The following UBE2K variants were observed in gnomAD, a reference collection of about 807,000 sequenced individuals.
UBE2K encodes ubiquitin conjugating enzyme E2 K.
Under a neutral mutation model 30.0 loss-of-function variants are expected in UBE2K, and 6 were observed. That is an observed-to-expected ratio of 0.20 (90% CI 0.11 to 0.39). UBE2K has a LOEUF of 0.39. Among genes scored for constraint, UBE2K ranks in the 10% least tolerant of loss-of-function variants. UBE2K has a pLI of 1.00. For missense variants in UBE2K, 61 were observed against 241.6 expected (o/e 0.25, Z 4.96); for synonymous variants, 86 against 83.7 (o/e 1.03, Z -0.15).
At chr4:39,767,873 A>G (rs1712452566) in intron 4 of UBE2K, among the ~76,000 whole-genome samples, 1 of 152,176 alleles carries the variant, frequency 6.6e-6, no homozygotes, top group African/African-American at 2.4e-5. Context: ...ATTAAAAATT[A>G]CATAAGATTT....
intron 1 of UBE2K, among the ~76,000 whole-genome samples, chr4:39,728,695 G>A (rs1719890366): frequency 6.6e-6 from 1 of 151,054 alleles, no homozygotes; most frequent in African/African-American, 2.4e-5. Flanking sequence ...GGGGAGTGCA[G>A]TTGTGCGATC....
chr4:39,773,609 ATAAG>A (rs1200258759), intron 4 of UBE2K, among the ~76,000 whole-genome samples: 1 of 152,040 alleles, frequency 6.6e-6, no homozygotes, highest in Non-Finnish European at 1.5e-5. Flanking sequence ...GGATAGAAAA[ATAAG>A]TGAGTGGATA....
At chr4:39,750,483 T>C (rs965951536) in intron 3 of UBE2K, among the ~76,000 whole-genome samples, 7 of 152,220 alleles carry the variant, frequency 4.6e-5, no homozygotes, top group Admixed American at 2.0e-4. Flanking sequence ...CATTGAGTGC[T>C]TCCCAAAGCT....
chr4:39,755,517 C>T, intron 3 of UBE2K, 140 bp from the exon 4 acceptor site: 1 of 603,316 alleles, frequency 1.7e-6, no homozygotes, highest in South Asian at 2.1e-5. Context: ...TCTTCTACAC[C>T]CCTTCTTTCA....
At chr4:39,772,698 T>C (rs895379251) in intron 4 of UBE2K, among the ~76,000 whole-genome samples, 1 of 151,952 alleles carries the variant, frequency 6.6e-6, no homozygotes, top group South Asian at 2.1e-4. Context: ...CAACTTTTTT[T>C]TTTTTTTGAG....
chr4:39,744,060 G>A (rs887744430), intron 2 of UBE2K, among the ~76,000 whole-genome samples: 4 of 152,034 alleles, frequency 2.6e-5, no homozygotes, highest in African/African-American at 4.8e-5. Context: ...GTGGGGTTTC[G>A]CCATGTTTGC....
At chr4:39,714,243 T>C in intron 1 of UBE2K, 1 of 179,382 alleles carries the variant, frequency 5.6e-6, no homozygotes, top group South Asian at 1.3e-4. Flanking sequence ...GTTTCAGCCT[T>C]GTTTTCAACA....
At chr4:39,712,532 C>T (rs1425472710) in intron 1 of UBE2K, among the ~76,000 whole-genome samples, 1 of 151,934 alleles carries the variant, frequency 6.6e-6, no homozygotes, top group Non-Finnish European at 1.5e-5. Flanking sequence ...TGTGTTCAAG[C>T]AATTCTCCTG....
intron 4 of UBE2K, chr4:39,770,208 G>A: frequency 6.2e-7 from 1 of 1,611,160 alleles, no homozygotes; most frequent in Non-Finnish European, 8.5e-7. Context: ...GTCGCAGTAG[G>A]AGCAGCGGTA....
At chr4:39,745,887 T>A in intron 3 of UBE2K, 77 bp downstream of exon 3, 1 of 1,109,016 alleles carries the variant, frequency 9.0e-7, no homozygotes, top group East Asian at 2.8e-5. Context: ...ATATATATTT[T>A]AGGGCTTATT....
chr4:39,731,369 G>A (rs1720065143), intron 1 of UBE2K, among the ~76,000 whole-genome samples: 1 of 151,944 alleles, frequency 6.6e-6, no homozygotes, highest in South Asian at 2.1e-4. Context: ...TGTCACTTCT[G>A]CTTTGGGACT....
chr4:39,771,018 C>G (rs1712774894), intron 4 of UBE2K: 10 of 1,611,812 alleles, frequency 6.2e-6, no homozygotes, highest in Non-Finnish European at 8.5e-6. Flanking sequence ...CAAGGCTAGC[C>G]TCACGGACCC....
intron 4 of UBE2K, among the ~76,000 whole-genome samples, chr4:39,759,799 CAG>C (rs1221517866): frequency 1.3e-5 from 2 of 152,142 alleles, no homozygotes; most frequent in Admixed American, 1.3e-4. Context: ...CATTACTCAT[CAG>C]GGAAATGCAA....
chr4:39,772,491 C>T (rs1578508602), intron 4 of UBE2K, among the ~76,000 whole-genome samples: 1 of 151,808 alleles, frequency 6.6e-6, no homozygotes, highest in East Asian at 1.9e-4. Context: ...ATGAGAATCA[C>T]CTGAGCCAAA....
chr4:39,726,448 T>C (rs1222810173), intron 1 of UBE2K, among the ~76,000 whole-genome samples: 1 of 152,096 alleles, frequency 6.6e-6, no homozygotes, highest in Non-Finnish European at 1.5e-5. Context: ...CTTGAACTCC[T>C]GGGCTTAAAC....
intron 4 of UBE2K, among the ~76,000 whole-genome samples, chr4:39,766,419 TTA>T (rs1156305850): frequency 6.6e-6 from 1 of 152,134 alleles, no homozygotes; most frequent in East Asian, 1.9e-4. Flanking sequence ...TATTGACACT[TTA>T]TATATCTTCT....
At chr4:39,747,691 A>G (rs1359099107) in intron 3 of UBE2K, among the ~76,000 whole-genome samples, 1 of 152,136 alleles carries the variant, frequency 6.6e-6, no homozygotes, top group African/African-American at 2.4e-5. Context: ...ATCTCAGCTC[A>G]CTGCAAGCTC....
At chr4:39,730,919 C>G (rs1720039897) in intron 1 of UBE2K, among the ~76,000 whole-genome samples, 1 of 150,200 alleles carries the variant, frequency 6.7e-6, no homozygotes, top group Non-Finnish European at 1.5e-5. Context: ...AAGCAGTTCT[C>G]CTGCCTTAGA....
chr4:39,771,352 T>A, intron 4 of UBE2K: 1 of 1,612,746 alleles, frequency 6.2e-7, no homozygotes, highest in South Asian at 1.1e-5. Flanking sequence ...GAACCACTCC[T>A]CTGCCCGGAG....
Sources: gnomAD v4.1 joint callset for allele counts (sites outside exome capture counted in the v4.1 genomes callset) on GRCh38, gnomAD v4.1.1 for gene constraint, MANE v1.5 for transcripts, NCBI Gene and HGNC (gene_info 2026-07-23, HGNC 2026-07-21) for gene names.